The following CSRP3 variants were observed in gnomAD, a reference collection of about 807,000 sequenced individuals.
The protein encoded by CSRP3 is cysteine and glycine-rich protein 3.
Under a neutral mutation model 24.3 loss-of-function variants are expected in CSRP3, and 24 were observed. The observed-to-expected ratio is 0.99, with a 90% confidence interval of 0.71 to 1.39. The LOEUF (loss-of-function observed/expected upper bound fraction) is 1.39, where lower values mean the gene tolerates loss of function less well. Ranked by LOEUF, CSRP3 falls within the 40% of genes most tolerant of loss-of-function variation. The pLI is 0.00. For synonymous variants in CSRP3, 105 were observed against 94.0 expected (o/e 1.12, Z -0.68); for missense variants, 240 against 249.0 (o/e 0.96, Z 0.24).
intron 1 of CSRP3, among the ~76,000 whole-genome samples, chr11:19,197,363 TCCCTCCCTCCCTCCCTCCCTC>T (rs1565055097): frequency 8.0e-4 from 11 of 13,674 alleles, no homozygotes; most frequent in African/African-American, 5.7e-3. Flanking sequence ...CCTCCCTCCC[TCCCTCCCTCCCTCCCTCCCTC>T]CCTCCCTTCC....
chr11:19,194,294 T>G (rs1267456697), intron 1 of CSRP3, among the ~76,000 whole-genome samples: 2 of 152,198 alleles, frequency 1.3e-5, no homozygotes, highest in Non-Finnish European at 2.9e-5. Context: ...TTAGAAAAAC[T>G]GTGAGGTTAG....
At chr11:19,187,056 A>G (rs1340705894) in intron 3 of CSRP3, among the ~76,000 whole-genome samples, 1 of 152,200 alleles carries the variant, frequency 6.6e-6, no homozygotes, top group East Asian at 1.9e-4. Flanking sequence ...CAGCTCATGA[A>G]TGATGGACCT....
At chr11:19,191,706 T>C (rs1437644439) in intron 2 of CSRP3, among the ~76,000 whole-genome samples, 2 of 152,172 alleles carry the variant, frequency 1.3e-5, no homozygotes, top group South Asian at 2.1e-4. Flanking sequence ...CTCAAGGTTC[T>C]CAAGGTTCTC....
intron 2 of CSRP3, among the ~76,000 whole-genome samples, chr11:19,191,875 G>T (rs997777545): frequency 6.6e-6 from 1 of 152,062 alleles, no homozygotes; most frequent in African/African-American, 2.4e-5. Flanking sequence ...GGCATGTGTT[G>T]CCCCCCTGCC....
At chr11:19,197,421 CCT>C in intron 1 of CSRP3, among the ~76,000 whole-genome samples, 1 of 119,670 alleles carries the variant, frequency 8.4e-6, no homozygotes, top group South Asian at 3.1e-4. Context: ...TTCCTTCCTT[CCT>C]TCCTTCCCTC....
intron 2 of CSRP3, among the ~76,000 whole-genome samples, chr11:19,188,779 T>C (rs1357967723): frequency 6.6e-6 from 1 of 152,068 alleles, no homozygotes; most frequent in African/African-American, 2.4e-5. Flanking sequence ...CACTGTGATA[T>C]TCAAGCAGAC....
At chr11:19,196,205 G>A (rs1246635928) in intron 1 of CSRP3, among the ~76,000 whole-genome samples, 11 of 152,206 alleles carry the variant, frequency 7.2e-5, no homozygotes, top group Non-Finnish European at 1.3e-4. Context: ...GGAAGTTGCA[G>A]TGAGCTGAGA....
At chr11:19,183,731 A>T (rs971035728) in intron 5 of CSRP3, among the ~76,000 whole-genome samples, 2 of 152,190 alleles carry the variant, frequency 1.3e-5, no homozygotes, top group African/African-American at 4.8e-5. Context: ...TCTGTCAGAT[A>T]GTGAGCTAGT....
At chr11:19,184,835 C>CCTCA in intron 5 of CSRP3, 117 bp downstream of exon 5, 1 of 818,042 alleles carries the variant, frequency 1.2e-6, no homozygotes, top group East Asian at 2.6e-5. Flanking sequence ...GCTGCCCAGG[C>CCTCA]TGAGCAGCCA....
intron 1 of CSRP3, among the ~76,000 whole-genome samples, chr11:19,194,426 C>G (rs533016035): frequency 1.4e-3 from 208 of 152,162 alleles, no homozygotes; most frequent in African/African-American, 4.8e-3. Flanking sequence ...ACTTACAATC[C>G]CAGGACTTTG....
chr11:19,191,667 TGAGTCAG>T (rs1157425611), intron 2 of CSRP3, among the ~76,000 whole-genome samples: 5 of 152,152 alleles, frequency 3.3e-5, no homozygotes, highest in African/African-American at 1.2e-4. Flanking sequence ...GAAAGTCACG[TGAGTCAG>T]GCAGGACCAG....
intron 2 of CSRP3, among the ~76,000 whole-genome samples, chr11:19,191,894 G>T (rs1236998462): frequency 3.9e-5 from 6 of 152,248 alleles, no homozygotes; most frequent in African/African-American, 1.4e-4. Context: ...CCTGACATAG[G>T]TTCTCTCTCA....
chr11:19,194,144 G>A (rs747803092), intron 1 of CSRP3, among the ~76,000 whole-genome samples: 6 of 152,072 alleles, frequency 3.9e-5, no homozygotes, highest in South Asian at 2.1e-4. Context: ...CAACTGGTCC[G>A]GATTGTATCT....
At chr11:19,192,527 A>C (rs1050799250) in intron 1 of CSRP3, 51 bp from the exon 2 acceptor site, 52 of 1,143,790 alleles carry the variant, frequency 4.5e-5, no homozygotes, top group Middle Eastern at 1.9e-4. Context: ...CCAGGAGTGA[A>C]CCAATCTCTA....
chr11:19,194,538 G>A (rs1195507974), intron 1 of CSRP3, among the ~76,000 whole-genome samples: 1 of 152,038 alleles, frequency 6.6e-6, no homozygotes, highest in Non-Finnish European at 1.5e-5. Context: ...AATTACCCTG[G>A]TGTGGTGGCA....
At chr11:19,191,387 T>C (rs1850611437) in intron 2 of CSRP3, among the ~76,000 whole-genome samples, 1 of 152,172 alleles carries the variant, frequency 6.6e-6, no homozygotes, top group South Asian at 2.1e-4. Flanking sequence ...GGTGCTGGCA[T>C]GGCTGTGGGG....
At chr11:19,189,401 C>A (rs563078735) in intron 2 of CSRP3, among the ~76,000 whole-genome samples, 2 of 152,148 alleles carry the variant, frequency 1.3e-5, no homozygotes, top group African/African-American at 2.4e-5. Flanking sequence ...CATTGCTTTG[C>A]AACAATGATT....
At chr11:19,199,149 G>A (rs1469827635) in intron 1 of CSRP3, among the ~76,000 whole-genome samples, 2 of 151,946 alleles carry the variant, frequency 1.3e-5, no homozygotes, top group African/African-American at 4.8e-5. Flanking sequence ...CGGTCCCCTT[G>A]CGTTGTTGGA....
intron 2 of CSRP3, among the ~76,000 whole-genome samples, chr11:19,190,884 G>A (rs969631702): frequency 6.6e-6 from 1 of 152,150 alleles, no homozygotes; most frequent in African/African-American, 2.4e-5. Flanking sequence ...AGGGTTAAAA[G>A]GGATGTACCA....
Sources: gnomAD v4.1 joint callset for allele counts (sites outside exome capture counted in the v4.1 genomes callset) on GRCh38, gnomAD v4.1.1 for gene constraint, MANE v1.5 for transcripts, NCBI Gene and HGNC (gene_info 2026-07-23, HGNC 2026-07-21) for gene names.